Variants in NRXN3 observed in about 807,000 individuals in gnomAD.
The protein encoded by NRXN3 is neurexin III.
A neutral mutation model predicts 137.6 loss-of-function variants in NRXN3; 32 were observed. The observed-to-expected ratio is 0.23, with a 90% CI of 0.18 to 0.31. The LOEUF is 0.31. Among genes scored for constraint, NRXN3 ranks in the 10% least tolerant of loss-of-function variants. The pLI is 1.00. For synonymous variants in NRXN3, 798 were observed against 784.5 expected, an observed-to-expected ratio of 1.02 and a Z score of -0.29; for missense variants, 1,574 against 2,062.5, an observed-to-expected ratio of 0.76 and a Z score of 4.59.
At chr14:79,464,770 G>T (rs1029687192) in intron 15 of NRXN3, among the ~76,000 whole-genome samples, 4 of 152,178 alleles carry the variant, frequency 2.6e-5, no homozygotes, top group African/African-American at 9.7e-5. Flanking sequence ...GAGGTAGAAG[G>T]CTCAGGCTGG....
intron 10 of NRXN3, among the ~76,000 whole-genome samples, chr14:78,904,848 A>G (rs1279813428): frequency 6.6e-6 from 1 of 151,996 alleles, no homozygotes; most frequent in Non-Finnish European, 1.5e-5. Context: ...ACCTTTCCCT[A>G]CACGGCTTTT....
At chr14:79,146,887 CA>C (rs1035779095) in intron 15 of NRXN3, among the ~76,000 whole-genome samples, 24 of 152,228 alleles carry the variant, frequency 1.6e-4, no homozygotes, top group African/African-American at 5.5e-4. Flanking sequence ...TGAATGTGGC[CA>C]TAAGTTGAAC....
intron 10 of NRXN3, among the ~76,000 whole-genome samples, chr14:78,917,589 CTG>C (rs1305266014): frequency 5.9e-5 from 9 of 152,168 alleles, no homozygotes; most frequent in African/African-American, 1.9e-4. Context: ...TAAACAGAGT[CTG>C]TGTGTAACAG....
Position 78,747,849 on chromosome 14 carries a change from C to T in NRXN3, c.2044+32710C>T, listed in dbSNP as rs1595468439. On this transcript the variant is annotated intron_variant, in intron 8 of 20. Coordinates refer to ENST00000335750, the MANE Select transcript of NRXN3 (RefSeq NM_001330195.2). The stretch of plus-strand genomic sequence containing the variant: ...CTTTAGATTTCCTCCCTATCCATTT[C>T]TGTCTCTTCTCCCTATGCCTTGATC... 2.0e-5 allele frequency among the ~76,000 whole-genome samples: 3 copies of T among 152,206 alleles called. No homozygotes were observed. In the South Asian group the frequency reaches 6.2e-4, roughly 32 times the overall value.
chr14:78,946,598 G>T (rs559062286), intron 10 of NRXN3, among the ~76,000 whole-genome samples: 37 of 152,204 alleles, frequency 2.4e-4, no homozygotes, highest in Admixed American at 2.1e-3. Context: ...AAAGTGGGGT[G>T]GTAATTTCAC....
At chr14:78,705,880 T>A (rs980427227) in intron 6 of NRXN3, among the ~76,000 whole-genome samples, 1 of 152,226 alleles carries the variant, frequency 6.6e-6, no homozygotes, top group African/African-American at 2.4e-5. Flanking sequence ...GAGAGAAGTC[T>A]GGTTATCTCT....
chr14:79,598,162 TA>T (rs1304551932), intron 16 of NRXN3, among the ~76,000 whole-genome samples: 1 of 152,208 alleles, frequency 6.6e-6, no homozygotes, highest in Non-Finnish European at 1.5e-5. Flanking sequence ...TTTGAATAGA[TA>T]AAGAGATATT....
rs1056423640 is a variant in NRXN3, at chr14:78,645,054, G to A, written c.758-66G>A. 75 of 1,382,842 alleles carry A rather than the reference G, an allele frequency of 5.4e-5. 1 individual carries two copies. The Middle Eastern group carries it at 2.1e-3, about 38-fold the overall frequency. The allele number at this position is 1,382,842 out of a possible 1,614,324, so 85.7% of individuals were successfully genotyped here. ...GTGCCCCTGCGGTGTGTTCTCTTTG[G>A]TATTTGCATAGGTCTGACTCTTGCC... On this transcript the variant is annotated intron_variant, in intron 4 of 20. Transcript: ENST00000335750.
At chr14:78,823,833 C>T (rs180771111) in intron 10 of NRXN3, among the ~76,000 whole-genome samples, 24 of 151,328 alleles carry the variant, frequency 1.6e-4, no homozygotes, top group Admixed American at 4.0e-4. Context: ...ATGGGTTACA[C>T]GTTAAAAAAA....
intron 4 of NRXN3, among the ~76,000 whole-genome samples, chr14:78,570,992 C>G (rs766074378): frequency 7.2e-5 from 11 of 152,116 alleles, no homozygotes; most frequent in African/African-American, 7.2e-5. Context: ...ACAGCAGCCC[C>G]GCTGGGCCCT....
At chr14:78,512,320 A>C (rs11159368) in intron 4 of NRXN3, among the ~76,000 whole-genome samples, 58,345 of 152,010 alleles carry the variant, frequency 0.38, 11,459 homozygotes, top group Admixed American at 0.43. Flanking sequence ...TTAAGCCACT[A>C]AGTTTGGTGG....
intron 10 of NRXN3, among the ~76,000 whole-genome samples, chr14:78,866,474 A>C (rs2099086977): frequency 6.6e-6 from 1 of 152,150 alleles, no homozygotes; most frequent in African/African-American, 2.4e-5. Flanking sequence ...TAACCCACCA[A>C]TGACAGGGCT....
chr14:78,953,034 G>A (rs556505389), intron 10 of NRXN3, among the ~76,000 whole-genome samples: 2 of 152,282 alleles, frequency 1.3e-5, no homozygotes, highest in African/African-American at 4.8e-5. Flanking sequence ...GGGGTAACTT[G>A]TAGTCTTGCT....
At chr14:79,401,036 G>T (rs148092959) in intron 15 of NRXN3, among the ~76,000 whole-genome samples, 1,554 of 152,294 alleles carry the variant, frequency 0.01, 14 homozygotes, top group Middle Eastern at 0.02. Flanking sequence ...TCAGTTAGGT[G>T]CAGGAACACA....
At chr14:79,405,820 A>G (rs1398208125) in intron 15 of NRXN3, among the ~76,000 whole-genome samples, 2 of 152,104 alleles carry the variant, frequency 1.3e-5, no homozygotes, top group Non-Finnish European at 2.9e-5. Flanking sequence ...TGTGATTCTT[A>G]TTAGAAACTC....
chr14:79,577,587 T>C (rs2153806659), intron 16 of NRXN3, among the ~76,000 whole-genome samples: 1 of 152,336 alleles, frequency 6.6e-6, no homozygotes, highest in South Asian at 2.1e-4. Context: ...TATCACACTT[T>C]GTACATACTT....
intron 8 of NRXN3, among the ~76,000 whole-genome samples, chr14:78,729,925 T>G (rs2098506668): frequency 6.6e-6 from 1 of 152,220 alleles, no homozygotes; most frequent in African/African-American, 2.4e-5. Context: ...TAAAGTTAAC[T>G]ATAGTTAGAA....
At chr14:79,051,282 C>T (rs1040326967) in intron 15 of NRXN3, among the ~76,000 whole-genome samples, 2 of 152,134 alleles carry the variant, frequency 1.3e-5, no homozygotes, top group African/African-American at 4.8e-5. Context: ...AGTATGACAG[C>T]TAATACTAAA....
At chr14:79,178,400 G>A (rs2062575745) in intron 15 of NRXN3, among the ~76,000 whole-genome samples, 1 of 152,062 alleles carries the variant, frequency 6.6e-6, no homozygotes, top group Non-Finnish European at 1.5e-5. Flanking sequence ...TACTATTGTG[G>A]AAGTTGAAAC....
Sources: gnomAD v4.1 joint callset for allele counts (sites outside exome capture counted in the v4.1 genomes callset) on GRCh38, gnomAD v4.1.1 for gene constraint, MANE v1.5 for transcripts, NCBI Gene and HGNC (gene_info 2026-07-23, HGNC 2026-07-21) for gene names.